Variants in ZC3H7A observed in about 807,000 individuals in gnomAD.
ZC3H7A encodes zinc finger CCCH domain-containing protein 7A.
In ZC3H7A, 44 loss-of-function variants were observed where a neutral mutation model predicts 125.5. The ratio of observed to expected loss-of-function variants is 0.35; its 90% CI spans 0.28 to 0.45. ZC3H7A has a LOEUF of 0.45. ZC3H7A is among the 20% of genes least tolerant of loss of function. The probability of loss-of-function intolerance (pLI) is 1.00; values close to 1 mark genes in which losing one functional copy is unlikely to be tolerated. For missense variants in ZC3H7A, 977 were observed against 1,170.7 expected (o/e 0.83, Z 2.41); for synonymous variants, 399 against 391.2 (o/e 1.02, Z -0.23).
chr16:11,752,918 G>A, intron 21 of ZC3H7A, 86 bp from the exon 22 acceptor site: 3 of 1,516,824 alleles, frequency 2.0e-6, no homozygotes, highest in South Asian at 2.5e-5. Flanking sequence ...TGGTGGGAGA[G>A]CCAGGCAAGA....
At chr16:11,754,433 C>T (rs1037505006) in intron 21 of ZC3H7A, among the ~76,000 whole-genome samples, 52 of 151,158 alleles carry the variant, frequency 3.4e-4, no homozygotes, top group Non-Finnish European at 6.5e-4. Context: ...AGCAGAGAGA[C>T]GCTGGGCAAG....
At chr16:11,786,898 A>C (rs73508193) in intron 1 of ZC3H7A, among the ~76,000 whole-genome samples, 8 of 152,326 alleles carry the variant, frequency 5.3e-5, no homozygotes, top group African/African-American at 1.9e-4. Context: ...TGTTTTAATA[A>C]ATTTCAAAGT....
At chr16:11,761,644 G>T in intron 18 of ZC3H7A, 133 bp from the exon 19 acceptor site, 1 of 933,616 alleles carries the variant, frequency 1.1e-6, no homozygotes, top group Non-Finnish European at 1.6e-6. Context: ...AATACCTTAT[G>T]ATTCTGTATT....
chr16:11,794,796 G>A (rs558248639), intron 1 of ZC3H7A, among the ~76,000 whole-genome samples: 36 of 152,308 alleles, frequency 2.4e-4, no homozygotes, highest in African/African-American at 7.9e-4. Context: ...CCAACTGGCA[G>A]GTTTTAAAAT....
chr16:11,751,365 A>T lies in ZC3H7A; in HGVS notation c.2868T>A (p.Asn956Lys), dbSNP rs769918822. 1.9e-6 allele frequency: 3 copies of T among 1,613,924 alleles called. No individual in the cohort carries two copies. The highest frequency in any genetic ancestry group is 1.1e-5 in the South Asian group (1 of 90,974). Residue 956 changes from asparagine to lysine, a missense_variant, in exon 23 of 23, where the codon AAT (asparagine) becomes AAA (lysine). Transcript: ENST00000355758. ...AACTATATTTTCCAAAGTCATTATC[A>T]TTTGGGCCAATTAAGTGATCTTTTC... ...KARKDHLIGP[N>K]DNDFGKYSFL...
At chr16:11,780,113 C>CT (rs971476261) in intron 3 of ZC3H7A, among the ~76,000 whole-genome samples, 1 of 145,952 alleles carries the variant, frequency 6.9e-6, no homozygotes, top group Non-Finnish European at 1.5e-5. Flanking sequence ...TAGTTTAGTT[C>CT]TTTTTTTTCT....
At chr16:11,758,699 C>A (rs1014279) in intron 19 of ZC3H7A, 160 bp from the exon 20 acceptor site, 6 of 587,620 alleles carry the variant, frequency 1.0e-5, no homozygotes, top group African/African-American at 1.9e-5. Flanking sequence ...ACTATATGCT[C>A]TAAATATATG....
intron 9 of ZC3H7A, among the ~76,000 whole-genome samples, chr16:11,772,261 T>C (rs564893083): frequency 3.4e-4 from 52 of 150,948 alleles, no homozygotes; most frequent in Middle Eastern, 3.5e-3. Context: ...AGCAGGAGGA[T>C]AGGTGATCCA....
chr16:11,782,851 G>C (rs995292866), intron 1 of ZC3H7A: 2 of 155,810 alleles, frequency 1.3e-5, no homozygotes, highest in African/African-American at 4.8e-5. Context: ...GTGACCTCAA[G>C]TGATCCACCT....
Position 11,776,541 on chromosome 16 carries a change from A to C in ZC3H7A, c.466-9T>G. On this transcript the variant is annotated splice_polypyrimidine_tract_variant and intron_variant, in intron 5 of 22. Transcript: ENST00000355758. ...TTTATTACATGCTCATCCTGAAAAAAATAAGTATGTATAATTAACAGGGTT... is the reference window on the plus strand; with the variant it reads ...TTTATTACATGCTCATCCTGAAAAACATAAGTATGTATAATTAACAGGGTT... The C allele has an allele frequency of 1.3e-6, 2 of 1,598,206 alleles. No homozygotes were observed. The highest frequency in any genetic ancestry group is 1.8e-5 in the Admixed American group (1 of 56,462).
At chr16:11,779,111 T>C (rs2053132268) in intron 4 of ZC3H7A, 55 bp downstream of exon 4, 1 of 1,384,140 alleles carries the variant, frequency 7.2e-7, no homozygotes, top group African/African-American at 1.5e-5. Flanking sequence ...ATGTACTAAG[T>C]CATTGAAAAA....
Position 11,756,402 on chromosome 16 carries a change from C to G in ZC3H7A, c.2429-32G>C, listed in dbSNP as rs759445060. On this transcript the variant is annotated intron_variant, in intron 20 of 22. Coordinates refer to ENST00000355758, the MANE Select transcript of ZC3H7A (RefSeq NM_014153.4). ...AAAAATGAATTACTTTCAGCAGCAG[C>G]AACTAAACTCCATTTAAATACATGC... is the stretch of plus-strand genomic sequence containing the variant. 3 of 1,603,242 alleles carry G rather than the reference C, an allele frequency of 1.9e-6. No homozygotes were observed. The Admixed American group carries it at 5.2e-5, about 28-fold the overall frequency.
In ZC3H7A at chr16:11,752,833, C is replaced by A; in HGVS notation, c.2563-1G>T. ...CACACATCCAGCAGTGAAAGTCCAC[C>A]TAATGTGCAGCAAAGACACATGTCC... On this transcript the variant is annotated splice_acceptor_variant, in intron 21 of 22. Transcript: ENST00000355758. LOFTEE classifies it high-confidence loss of function. The A allele has an allele frequency of 6.2e-7, 1 of 1,612,064 alleles. No homozygotes were observed. Among genetic ancestry groups the A allele is most frequent in the Non-Finnish European group, 8.5e-7 (1 of 1,179,322 alleles).
intron 1 of ZC3H7A, chr16:11,782,604 T>A: frequency 1.5e-5 from 3 of 194,508 alleles, no homozygotes; most frequent in South Asian, 1.2e-4. Context: ...TCATATTCTT[T>A]TTTTTTTTTT....
chr16:11,782,471 T>A lies in ZC3H7A; in HGVS notation c.-34-83A>T, dbSNP rs374251717. 5.3e-6 allele frequency: 6 copies of A among 1,139,098 alleles called. No individual in the cohort carries two copies. The East Asian group carries it at 7.0e-5, about 13-fold the overall frequency. The allele number at this position is 1,139,098 out of a possible 1,614,324, so 70.6% of individuals were successfully genotyped here. ...AAAACACCCACAAATCCAGACCTTG[T>A]CACACAATCAGCTGTGGACACATCC... is the stretch of plus-strand genomic sequence containing the variant. On this transcript the variant is annotated intron_variant, in intron 1 of 22. Transcript: ENST00000355758.
intron 4 of ZC3H7A, 101 bp from the exon 5 acceptor site, chr16:11,777,010 C>A: frequency 1.1e-6 from 1 of 905,436 alleles, no homozygotes; most frequent in South Asian, 2.4e-5. Context: ...CATCCTATTA[C>A]CCTCCCTCTA....
At chr16:11,790,382 C>T (rs9929645) in intron 1 of ZC3H7A, among the ~76,000 whole-genome samples, 34,625 of 152,118 alleles carry the variant, frequency 0.23, 4,977 homozygotes, top group African/African-American at 0.4. Flanking sequence ...CTCATACCCT[C>T]TGCTCATTTT....
At chr16:11,769,816 G>T (rs1189412154) in intron 10 of ZC3H7A, among the ~76,000 whole-genome samples, 4 of 71,438 alleles carry the variant, frequency 5.6e-5, no homozygotes, top group African/African-American at 2.6e-4. Flanking sequence ...TTGAGAAAGG[G>T]TCTCATTCTG....
At position 11,781,531 on chromosome 16, in the gene ZC3H7A, C is replaced by T. The variant is rs1057167497; in HGVS notation, c.69-67G>A. 9 of 1,541,580 alleles carry T rather than the reference C, an allele frequency of 5.8e-6. No individual in the cohort carries two copies. In the African/African-American group the frequency reaches 1.1e-4, roughly 19 times the overall value. Reference sequence around the variant, plus strand: ...TATCGGGACCTGTTCAGCCAGAAGTCATCTTAAATCTGTGGTTCCATTAGC... The same window carrying T: ...TATCGGGACCTGTTCAGCCAGAAGTTATCTTAAATCTGTGGTTCCATTAGC... On this transcript the variant is annotated intron_variant, in intron 2 of 22. Transcript: ENST00000355758.
Sources: allele counts gnomAD v4.1 joint callset (sites outside exome capture counted in the v4.1 genomes callset), GRCh38; gene constraint gnomAD v4.1.1; transcripts MANE v1.5; gene names NCBI Gene and HGNC (gene_info 2026-07-23, HGNC 2026-07-21).